TBX15: variants seen among roughly 807,000 people sequenced by gnomAD.
The protein encoded by TBX15 is T-box transcription factor TBX15.
TBX15 carries 18 observed loss-of-function variants against 53.9 expected under a neutral mutation model. That is an observed-to-expected ratio of 0.33 (90% CI 0.23 to 0.49). The LOEUF (loss-of-function observed/expected upper bound fraction) is 0.49. Ranked by LOEUF, TBX15 falls within the 20% of genes least tolerant of loss-of-function variation. The pLI, the probability that TBX15 is intolerant of heterozygous loss-of-function variation, is 0.98. For missense variants in TBX15, 692 were observed against 749.5 expected (o/e 0.92, Z 0.90); for synonymous variants, 295 against 278.0 (o/e 1.06, Z -0.61).
At chr1:118,930,111 A>G (rs1169181811) in intron 2 of TBX15, among the ~76,000 whole-genome samples, 1 of 152,236 alleles carries the variant, frequency 6.6e-6, no homozygotes, top group Non-Finnish European at 1.5e-5. Flanking sequence ...AAAAGAAAGA[A>G]AATAAACAAA....
At chr1:118,924,048 TG>T (rs1385160926) in intron 4 of TBX15, among the ~76,000 whole-genome samples, 1 of 152,220 alleles carries the variant, frequency 6.6e-6, no homozygotes, top group East Asian at 1.9e-4. Context: ...ATGGTAGATA[TG>T]GGTTTTCACT....
intron 1 of TBX15, among the ~76,000 whole-genome samples, chr1:118,965,724 A>G (rs987081840): frequency 6.6e-6 from 1 of 152,228 alleles, no homozygotes; most frequent in Admixed American, 6.5e-5. Context: ...ATGGAATTCT[A>G]TGAGACTTTT....
intron 1 of TBX15, among the ~76,000 whole-genome samples, chr1:118,977,908 G>A (rs778331190): frequency 3.9e-5 from 6 of 152,170 alleles, no homozygotes; most frequent in Non-Finnish European, 8.8e-5. Flanking sequence ...GACTCAAATA[G>A]TAATGAGGGG....
At chr1:118,935,981 C>A (rs955258394) in intron 1 of TBX15, among the ~76,000 whole-genome samples, 4 of 152,058 alleles carry the variant, frequency 2.6e-5, no homozygotes, top group African/African-American at 4.8e-5. Flanking sequence ...GTCAGATCTC[C>A]CCAAAAGCAC....
At chr1:118,932,373 G>A (rs1226941416) in intron 1 of TBX15, among the ~76,000 whole-genome samples, 1 of 152,154 alleles carries the variant, frequency 6.6e-6, no homozygotes, top group East Asian at 1.9e-4. Flanking sequence ...CAAAAGTAAT[G>A]AAAAGCTGCT....
At chr1:118,980,387 T>A (rs1657607911) in intron 1 of TBX15, among the ~76,000 whole-genome samples, 1 of 152,226 alleles carries the variant, frequency 6.6e-6, no homozygotes, top group Admixed American at 6.5e-5. Flanking sequence ...TAATGTTCCC[T>A]TTCCAAGGGA....
chr1:118,966,644 G>A (rs1657042724), intron 1 of TBX15, among the ~76,000 whole-genome samples: 1 of 152,156 alleles, frequency 6.6e-6, no homozygotes, highest in Non-Finnish European at 1.5e-5. Flanking sequence ...ATTGAGGCTG[G>A]GCATTTTAGC....
At chr1:118,927,493 G>C (rs1655637989) in intron 2 of TBX15, among the ~76,000 whole-genome samples, 1 of 152,274 alleles carries the variant, frequency 6.6e-6, no homozygotes, top group East Asian at 1.9e-4. Flanking sequence ...TCCAAACAAA[G>C]AGCCACCAAG....
At chr1:118,962,059 T>C (rs752135212) in intron 1 of TBX15, among the ~76,000 whole-genome samples, 1 of 152,252 alleles carries the variant, frequency 6.6e-6, no homozygotes, top group Non-Finnish European at 1.5e-5. Context: ...CATGAGGATA[T>C]GCCAATTTTT....
chr1:118,951,280 G>C (rs995208939), intron 1 of TBX15, among the ~76,000 whole-genome samples: 3 of 152,154 alleles, frequency 2.0e-5, no homozygotes, highest in African/African-American at 7.2e-5. Flanking sequence ...CAATGTAGAA[G>C]ACATTTCCCC....
intron 1 of TBX15, among the ~76,000 whole-genome samples, chr1:118,969,161 G>A (rs955029218): frequency 1.3e-5 from 2 of 152,144 alleles, no homozygotes; most frequent in Admixed American, 6.5e-5. Context: ...TGTACCTACT[G>A]AGCTCAAAGG....
intron 2 of TBX15, among the ~76,000 whole-genome samples, chr1:118,927,615 G>T (rs954797312): frequency 2.6e-5 from 4 of 152,164 alleles, no homozygotes; most frequent in Non-Finnish European, 5.9e-5. Context: ...ATGAATTCTC[G>T]TGGCCTCTGG....
chr1:118,924,494 G>GA (rs1187910015), intron 4 of TBX15, 152 bp downstream of exon 4: 32 of 930,904 alleles, frequency 3.4e-5, no homozygotes, highest in African/African-American at 6.7e-5. Flanking sequence ...AATTTAACTG[G>GA]AAAAAAACAC....
chr1:118,892,871 G>A (rs371298342), intron 7 of TBX15, among the ~76,000 whole-genome samples: 2 of 152,010 alleles, frequency 1.3e-5, no homozygotes, highest in African/African-American at 2.4e-5. Flanking sequence ...CATATTATAC[G>A]CACTGACATA....
intron 1 of TBX15, among the ~76,000 whole-genome samples, chr1:118,974,801 G>C (rs556955316): frequency 3.9e-5 from 6 of 152,132 alleles, no homozygotes; most frequent in Non-Finnish European, 7.4e-5. Flanking sequence ...CCCTAACAGC[G>C]GGTGTACTTG....
chr1:118,893,490 GAAAGAAAGAAAGAAA>G (rs1557872802), intron 7 of TBX15, among the ~76,000 whole-genome samples: 3 of 85,232 alleles, frequency 3.5e-5, no homozygotes, highest in African/African-American at 2.3e-4. Flanking sequence ...AGGAAGGAAA[GAAAGAAAGAAAGAAA>G]GAAAGAAAGA....
rs182074807 is a variant in TBX15, at chr1:118,980,761, A to C, written c.205+6830T>G. ...ATTAAATGCCAAATTTAGTTGGAAAAGTTTCCACTCCTCCTGTTCTTTTAA... is the reference window on the plus strand; with the variant it reads ...ATTAAATGCCAAATTTAGTTGGAAACGTTTCCACTCCTCCTGTTCTTTTAA... On this transcript the variant is annotated intron_variant, in intron 1 of 7. Transcript: ENST00000369429. Among the ~76,000 whole-genome samples the C allele has an allele frequency of 2.4e-3, 359 of 152,282 alleles. 2 individuals carry two copies. Among genetic ancestry groups the C allele is most frequent in the African/African-American group, 8.3e-3 (345 of 41,548 alleles).
chr1:118,911,789 A>G (rs1655035665), intron 6 of TBX15, among the ~76,000 whole-genome samples: 1 of 152,060 alleles, frequency 6.6e-6, no homozygotes, highest in Non-Finnish European at 1.5e-5. Context: ...TGCCTGGCAC[A>G]CGTCTGTCTT....
intron 1 of TBX15, among the ~76,000 whole-genome samples, chr1:118,983,777 A>T (rs1293337523): frequency 1.3e-5 from 2 of 152,148 alleles, no homozygotes; most frequent in Admixed American, 1.3e-4. Flanking sequence ...ACCCTCCGGC[A>T]TCTCACTCTA....
Sources: allele counts gnomAD v4.1 joint callset (sites outside exome capture counted in the v4.1 genomes callset), GRCh38; gene constraint gnomAD v4.1.1; transcripts MANE v1.5; gene names NCBI Gene and HGNC (gene_info 2026-07-23, HGNC 2026-07-21).